Variants in LAMA2 observed in about 807,000 individuals in gnomAD.
The protein encoded by LAMA2 is laminin subunit alpha 2.
In LAMA2, 269 loss-of-function variants were observed where a neutral mutation model predicts 364.8. That is an observed-to-expected ratio of 0.74 (90% CI 0.67 to 0.82). The LOEUF is 0.82. Ranked by LOEUF, LAMA2 falls within the 40% of genes least tolerant of loss-of-function variation. LAMA2 has a pLI of 0.00. For synonymous variants in LAMA2, 1,379 were observed against 1,370.6 expected (o/e 1.01, Z -0.14); for missense variants, 3,807 against 3,873.2 (o/e 0.98, Z 0.45).
At chr6:129,368,841 C>T (rs1777918204) in intron 33 of LAMA2, among the ~76,000 whole-genome samples, 2 of 152,138 alleles carry the variant, frequency 1.3e-5, no homozygotes, top group Non-Finnish European at 2.9e-5. Context: ...TAAGTTATTT[C>T]ACCTCTTTGC....
rs1171479827 is a variant in LAMA2, at chr6:129,037,178, A to G, written c.113-12740A>G. 2.6e-5 allele frequency among the ~76,000 whole-genome samples: 4 copies of G among 152,220 alleles called. No individual in the cohort carries two copies. In the East Asian group the frequency reaches 7.7e-4, roughly 29 times the overall value. ...GCATGAATATTTTTCAAAATGCTCC[A>G]TAGACCTAGAAGCTGAAATGGAAAG... On this transcript the variant is annotated intron_variant, in intron 1 of 64. Transcript: ENST00000421865.
At chr6:128,977,706 G>A (rs1019269548) in intron 1 of LAMA2, among the ~76,000 whole-genome samples, 2 of 152,036 alleles carry the variant, frequency 1.3e-5, no homozygotes, top group Admixed American at 6.6e-5. Context: ...ATCAGGTTTC[G>A]GTTGAGACAA....
At chr6:129,057,032 C>T (rs1339977051) in intron 2 of LAMA2, among the ~76,000 whole-genome samples, 1 of 152,026 alleles carries the variant, frequency 6.6e-6, no homozygotes, top group Non-Finnish European at 1.5e-5. Flanking sequence ...TGCACCTGGC[C>T]AATATTCAGC....
chr6:129,375,811 T>C (rs1778341548), intron 34 of LAMA2, among the ~76,000 whole-genome samples: 1 of 152,214 alleles, frequency 6.6e-6, no homozygotes, highest in African/African-American at 2.4e-5. Context: ...TTACTATGGA[T>C]TGGACATCTC....
intron 1 of LAMA2, chr6:128,929,542 C>T: frequency 2.1e-6 from 2 of 959,952 alleles, no homozygotes; most frequent in Admixed American, 1.7e-5. Context: ...AACTCCTGAG[C>T]GACAATTATC....
At chr6:129,491,086 T>G (rs977583295) in intron 56 of LAMA2, 2 of 152,204 alleles carry the variant, frequency 1.3e-5, no homozygotes, top group African/African-American at 4.8e-5. Flanking sequence ...TGAAGTAAGT[T>G]TTCAGTAATC....
At chr6:129,514,682 T>A in intron 64 of LAMA2, 87 bp downstream of exon 64, 1 of 993,682 alleles carries the variant, frequency 1.0e-6, no homozygotes, top group Admixed American at 1.9e-5. Flanking sequence ...TGTCTAAGAA[T>A]GTGTGCTTAT....
intron 2 of LAMA2, among the ~76,000 whole-genome samples, chr6:129,054,060 G>A (rs58757612): frequency 0.019 from 2,927 of 152,214 alleles, 83 homozygotes; most frequent in African/African-American, 0.067. Context: ...TCAGAAAGAA[G>A]AAAGAATGAA....
chr6:129,447,152 G>T (rs1017698475), intron 45 of LAMA2, among the ~76,000 whole-genome samples: 1 of 152,180 alleles, frequency 6.6e-6, no homozygotes, highest in African/African-American at 2.4e-5. Context: ...ACACAAAGAC[G>T]AATAAAGGAG....
chr6:128,888,590 T>G (rs1293203559), intron 1 of LAMA2, among the ~76,000 whole-genome samples: 1 of 152,196 alleles, frequency 6.6e-6, no homozygotes, highest in Admixed American at 6.5e-5. Context: ...AGGATCTCAC[T>G]TTGGCAAACA....
intron 47 of LAMA2, among the ~76,000 whole-genome samples, chr6:129,455,887 A>G (rs1437070089): frequency 6.6e-6 from 1 of 152,202 alleles, no homozygotes; most frequent in Non-Finnish European, 1.5e-5. Context: ...ATGATATGAA[A>G]GGGTGGCTCA....
chr6:128,925,157 C>T (rs1214992077), intron 1 of LAMA2, among the ~76,000 whole-genome samples: 3 of 152,148 alleles, frequency 2.0e-5, no homozygotes, highest in Non-Finnish European at 2.9e-5. Flanking sequence ...AACAATTCCA[C>T]TTCTGGGAAT....
intron 8 of LAMA2, among the ~76,000 whole-genome samples, chr6:129,165,280 T>A (rs1475217248): frequency 6.6e-6 from 1 of 151,996 alleles, no homozygotes; most frequent in Non-Finnish European, 1.5e-5. Flanking sequence ...CTAGCTTTGT[T>A]GATATACTAT....
At chr6:129,455,846 A>G (rs1023452306) in intron 47 of LAMA2, among the ~76,000 whole-genome samples, 1 of 152,194 alleles carries the variant, frequency 6.6e-6, no homozygotes, top group Non-Finnish European at 1.5e-5. Context: ...CCAAGATATT[A>G]TAAAGAATTT....
rs547726179 is a variant in LAMA2 at position 128,910,912 on chromosome 6, T to A, written c.112+27555T>A. Among the ~76,000 whole-genome samples, 226 of 151,684 alleles carry A rather than the reference T, an allele frequency of 1.5e-3. 1 individual carries two copies. Among genetic ancestry groups the A allele is most frequent in the African/African-American group, 5.1e-3 (209 of 41,118 alleles). On this transcript the variant is annotated intron_variant, in intron 1 of 64. Transcript: ENST00000421865. ...TACCCTGCCATGTGAGGTGTCAGTG[T>A]GCCCCTGCTGGGGGGTGCCTCCCAG...
At chr6:129,390,321 T>C (rs1157902120) in intron 35 of LAMA2, among the ~76,000 whole-genome samples, 1 of 152,000 alleles carries the variant, frequency 6.6e-6, no homozygotes, top group Non-Finnish European at 1.5e-5. Flanking sequence ...CTGCTGCTTA[T>C]AGGGGACCAC....
chr6:128,930,223 T>G (rs1431781497), intron 1 of LAMA2, among the ~76,000 whole-genome samples: 2 of 152,242 alleles, frequency 1.3e-5, no homozygotes, highest in African/African-American at 4.8e-5. Flanking sequence ...TGGCCTCTAT[T>G]TCTAAAGTAT....
intron 9 of LAMA2, among the ~76,000 whole-genome samples, chr6:129,170,260 G>A (rs1327061250): frequency 6.8e-6 from 1 of 146,410 alleles, no homozygotes; most frequent in Non-Finnish European, 1.5e-5. Flanking sequence ...ATGTTAGGGT[G>A]TCAATTTTGG....
chr6:129,420,033 A>G (rs1780996743), intron 40 of LAMA2, among the ~76,000 whole-genome samples: 1 of 152,106 alleles, frequency 6.6e-6, no homozygotes, highest in Non-Finnish European at 1.5e-5. Context: ...ATTATAGAAA[A>G]TAGGAAATAC....
Sources: gnomAD v4.1 joint callset for allele counts (sites outside exome capture counted in the v4.1 genomes callset) on GRCh38, gnomAD v4.1.1 for gene constraint, MANE v1.5 for transcripts, NCBI Gene and HGNC (gene_info 2026-07-23, HGNC 2026-07-21) for gene names.